MFAP3L: variants seen among roughly 807,000 people sequenced by gnomAD.
The protein encoded by MFAP3L is microfibril associated protein 3 like.
In MFAP3L, 5 loss-of-function variants were observed where a neutral mutation model predicts 20.0. The ratio of observed to expected loss-of-function variants is 0.25; its 90% CI spans 0.13 to 0.53. MFAP3L has a LOEUF of 0.53. Ranked by LOEUF, MFAP3L falls within the 20% of genes least tolerant of loss-of-function variation. The pLI, the probability that MFAP3L is intolerant of heterozygous loss-of-function variation, is 0.96. For missense variants in MFAP3L, 409 were observed against 527.5 expected (o/e 0.78, Z 2.20); for synonymous variants, 219 against 213.0 (o/e 1.03, Z -0.25).
Position 169,986,905 on chromosome 4 carries a change from G to C in MFAP3L, c.*4473C>G, listed in dbSNP as rs1390141957. 6.6e-6 allele frequency: 1 copy of C among 152,084 alleles called. No individual in the cohort carries two copies. The highest frequency in any genetic ancestry group is 1.5e-5 in the Non-Finnish European group (1 of 67,990). 9.4% of individuals were successfully genotyped at this position (152,084 alleles called of 1,614,324 possible). A position where few individuals can be genotyped will look rare whatever the true frequency, so the allele number is the denominator to read the frequency against. ...TCTATGGTGTCTGAGATATACATTT[G>C]GAGGCTATTTTATTGGCTAAATAAA... On this transcript the variant is annotated 3_prime_UTR_variant, in exon 3 of 3. Coordinates refer to ENST00000361618, the MANE Select transcript of MFAP3L (RefSeq NM_021647.8).
At chr4:170,023,105 G>A (rs911636432) in intron 1 of MFAP3L, among the ~76,000 whole-genome samples, 18 of 152,104 alleles carry the variant, frequency 1.2e-4, no homozygotes, top group African/African-American at 4.1e-4. Context: ...ATTCCTTAAT[G>A]AAATATCATG....
intron 1 of MFAP3L, among the ~76,000 whole-genome samples, chr4:170,014,913 G>A (rs1277099032): frequency 6.6e-6 from 1 of 152,192 alleles, no homozygotes; most frequent in Non-Finnish European, 1.5e-5. Context: ...AACTCACGAT[G>A]AGCCTGAAGG....
In MFAP3L at chr4:169,989,139, T is replaced by C. The variant is rs1182702434; in HGVS notation, c.*2239A>G. On this transcript the variant is annotated 3_prime_UTR_variant, in exon 3 of 3. Transcript: ENST00000361618. ...TGACAACTGGAAAATTTTTATATTC[T>C]AAGAGGTGGTGTTAAAACTTTTCTG... 1 of 152,210 alleles carries C rather than the reference T, an allele frequency of 6.6e-6. No individual in the cohort carries two copies. The highest frequency in any genetic ancestry group is 2.4e-5 in the African/African-American group (1 of 41,466). The allele number at this position is 152,210 out of a possible 1,614,324, so 9.4% of individuals were successfully genotyped here.
intron 1 of MFAP3L, among the ~76,000 whole-genome samples, chr4:170,018,066 A>C (rs1436086840): frequency 6.6e-6 from 1 of 152,274 alleles, no homozygotes; most frequent in Non-Finnish European, 1.5e-5. Flanking sequence ...AAAGGTGCTT[A>C]GAATCTTGGT....
At chr4:170,011,665 C>A (rs114220764) in intron 1 of MFAP3L, among the ~76,000 whole-genome samples, 1 of 152,010 alleles carries the variant, frequency 6.6e-6, no homozygotes, top group African/African-American at 2.4e-5. Flanking sequence ...TGTCAGAATC[C>A]GGAAGGGGAC....
At chr4:169,999,226 C>A (rs1433416387) in intron 2 of MFAP3L, among the ~76,000 whole-genome samples, 1 of 152,186 alleles carries the variant, frequency 6.6e-6, no homozygotes, top group Admixed American at 6.5e-5. Context: ...AGGACTAGGG[C>A]AGCTCTAACA....
chr4:170,005,157 G>A (rs576656098), intron 2 of MFAP3L: 1 of 174,628 alleles, frequency 5.7e-6, no homozygotes, highest in Non-Finnish European at 1.2e-5. Context: ...TTTCAGAAGT[G>A]TGGTCTTTAA....
intron 1 of MFAP3L, among the ~76,000 whole-genome samples, chr4:170,020,918 T>C (rs1238591755): frequency 3.3e-5 from 5 of 152,072 alleles, no homozygotes; most frequent in Non-Finnish European, 7.4e-5. Flanking sequence ...CTTCATTAGA[T>C]TAAAATCTCA....
intron 1 of MFAP3L, among the ~76,000 whole-genome samples, chr4:170,009,312 G>A (rs1739232051): frequency 6.6e-6 from 1 of 151,636 alleles, no homozygotes; most frequent in African/African-American, 2.4e-5. Flanking sequence ...GAACCCAGGA[G>A]GCGGAGGTTA....
rs1737552855 is a variant in MFAP3L, at chr4:169,990,112, A to G, written c.*1266T>C. The G allele has an allele frequency of 6.6e-6, 1 of 152,382 alleles. No homozygotes were observed. Among genetic ancestry groups the G allele is most frequent in the South Asian group, 2.1e-4 (1 of 4,830 alleles). The allele number at this position is 152,382 out of a possible 1,614,324, so 9.4% of individuals were successfully genotyped here. On this transcript the variant is annotated 3_prime_UTR_variant, in exon 3 of 3. Coordinates refer to ENST00000361618, the MANE Select transcript of MFAP3L (RefSeq NM_021647.8). ...TACAGATAAGGGACCTGAGGTCCAG[A>G]CTTGTCCAAAGCCAGGCAGCTGGTT...
At chr4:170,005,227 C>G (rs1201656345) in intron 2 of MFAP3L, 1 of 314,164 alleles carries the variant, frequency 3.2e-6, no homozygotes, top group African/African-American at 2.1e-5. Flanking sequence ...ATTGTTTATT[C>G]CAGCCATCTC....
In MFAP3L at chr4:169,991,273, G is replaced by T. The variant is rs1057482872; in HGVS notation, c.*105C>A. 12 of 1,214,120 alleles carry T rather than the reference G, an allele frequency of 9.9e-6. No individual in the cohort carries two copies. Among genetic ancestry groups the T allele is most frequent in the Non-Finnish European group, 1.4e-5 (12 of 868,346 alleles). The allele number at this position is 1,214,120 out of a possible 1,614,324, so 75.2% of individuals were successfully genotyped here. On this transcript the variant is annotated 3_prime_UTR_variant, in exon 3 of 3. Transcript: ENST00000361618. The surrounding 1 kb of genome is among the most constrained non-coding windows in gnomAD (Gnocchi z 4.9). ...TAAAGTGGCATCACTCCTACCTAAG[G>T]GATGAGAGTCTCCTGGTAAGGCTTA...
intron 2 of MFAP3L, among the ~76,000 whole-genome samples, chr4:170,002,558 C>G (rs537603519): frequency 2.0e-5 from 3 of 151,766 alleles, no homozygotes; most frequent in Admixed American, 6.6e-5. Context: ...TCACCAGGCT[C>G]GAGTGCAGTG....
chr4:170,019,593 CTTG>C, intron 1 of MFAP3L, among the ~76,000 whole-genome samples: 1 of 152,300 alleles, frequency 6.6e-6, no homozygotes, highest in South Asian at 2.1e-4. Context: ...TGGATCCTAT[CTTG>C]TTAAGAGGTA....
chr4:170,000,048 G>A (rs1000795237), intron 2 of MFAP3L, among the ~76,000 whole-genome samples: 1 of 152,148 alleles, frequency 6.6e-6, no homozygotes, highest in Non-Finnish European at 1.5e-5. Context: ...TGTCCTCTGT[G>A]GAGAAAACAG....
chr4:169,994,138 T>C (rs1737955046), intron 2 of MFAP3L: 1 of 976,562 alleles, frequency 1.0e-6, no homozygotes, highest in Non-Finnish European at 1.2e-6. Context: ...GCTTATTCCA[T>C]AGAGAAGACA....
chr4:170,005,765 C>A lies in MFAP3L; in HGVS notation c.113G>T (p.Gly38Val), dbSNP rs1356456863. ...AKSVTNSTLN[G>V]TNVVLGSVPV... is the part of the protein sequence containing the mutation. ...CACAGAGCCCAAGACCACGTTAGTGCCATTTAAAGTGCTGTTAGTCACACT... is the reference window on the plus strand; with the variant it reads ...CACAGAGCCCAAGACCACGTTAGTGACATTTAAAGTGCTGTTAGTCACACT... The change falls in exon 2 of 3, where the codon GGC becomes GTC. Residue 38 changes from glycine (G) to valine (V), a missense_variant. Around this residue, in one of 3 missense-constraint regions of MFAP3L, gnomAD observed 113 missense variants for 131.1 expected, o/e 0.86. Transcript: ENST00000361618. The A allele has an allele frequency of 6.2e-7, 1 of 1,614,102 alleles. No homozygotes were observed. Among genetic ancestry groups the A allele is most frequent in the Non-Finnish European group, 8.5e-7 (1 of 1,180,050 alleles).
rs199802014 is a variant in MFAP3L, at chr4:169,991,790, T to C, written c.818A>G (p.His273Arg). ...LEEQGQNFVR[H>R]TPEGQEAADR... ...TGCGGCCTCCTGGCCCTCTGGAGTA[T>C]GCCTCACAAAATTCTGCCCCTGCTC... Residue 273 changes from histidine to arginine, a missense_variant, in exon 3 of 3, where the codon CAT becomes CGT. This residue lies in a region of MFAP3L where 169 missense variants were observed against 178.2 expected (regional missense o/e 0.95). Coordinates refer to ENST00000361618, the MANE Select transcript of MFAP3L (RefSeq NM_021647.8). This position sits in a 1 kb window ranked among gnomAD's most constrained non-coding sequence, Gnocchi z 4.9. 14 of 1,614,188 alleles carry C rather than the reference T, an allele frequency of 8.7e-6. No homozygotes were observed. Among genetic ancestry groups the C allele is most frequent in the Non-Finnish European group, 1.1e-5 (13 of 1,180,046 alleles).
chr4:169,988,280 G>T lies in MFAP3L; in HGVS notation c.*3098C>A, dbSNP rs991282770. Reference sequence around the variant, plus strand: ...AAACAAAACCATTATAAATTACATAGATTTTTCCATATAAAATTGTTTTCC... The same window carrying T: ...AAACAAAACCATTATAAATTACATATATTTTTCCATATAAAATTGTTTTCC... On this transcript the variant is annotated 3_prime_UTR_variant, in exon 3 of 3. Transcript: ENST00000361618. 6.6e-6 allele frequency: 1 copy of T among 152,076 alleles called. No individual in the cohort carries two copies. The highest frequency in any genetic ancestry group is 2.4e-5 in the African/African-American group (1 of 41,394). The allele number at this position is 152,076 out of a possible 1,614,324, so 9.4% of individuals were successfully genotyped here.
Sources: gnomAD v4.1 joint callset for allele counts (sites outside exome capture counted in the v4.1 genomes callset) on GRCh38, gnomAD v4.1.1 for gene constraint, gnomAD v4.1.1 regional missense constraint, Gnocchi (gnomAD v3.1) non-coding constraint, MANE v1.5 for transcripts, NCBI Gene and HGNC (gene_info 2026-07-23, HGNC 2026-07-21) for gene names.